The following RORB variants were observed in gnomAD, a reference collection of about 807,000 sequenced individuals.
RORB encodes the protein nuclear receptor ROR-beta.
Under a neutral mutation model 59.1 loss-of-function variants are expected in RORB, and 6 were observed. The ratio of observed to expected loss-of-function variants is 0.10; its 90% confidence interval spans 0.06 to 0.20. RORB has a LOEUF of 0.20. Among genes scored for constraint, RORB ranks in the 10% least tolerant of loss-of-function variants. The pLI, the probability that RORB is intolerant of heterozygous loss-of-function variation, is 1.00. For missense variants in RORB, 320 were observed against 560.5 expected, an observed-to-expected ratio of 0.57 and a Z score of 4.33; for synonymous variants, 215 against 204.5, an observed-to-expected ratio of 1.05 and a Z score of -0.44.
chr9:74,630,093 A>G (rs1267594580), intron 1 of RORB, 189 bp from the exon 2 acceptor site: 2 of 281,246 alleles, frequency 7.1e-6, no homozygotes, highest in African/African-American at 4.6e-5. Context: ...TGGCAGAGAA[A>G]TGTACTTTGA....
rs1007180833 is a variant in RORB, at chr9:74,615,073, A to G, written c.8-15209A>G. ...GCTCCTCTGCTGTATTAACTACTTCATAGACAACTGTAATCCAATATTTGA... is the reference window on the plus strand; with the variant it reads ...GCTCCTCTGCTGTATTAACTACTTCGTAGACAACTGTAATCCAATATTTGA... On this transcript the variant is annotated intron_variant, in intron 1 of 9. Transcript: ENST00000376896. Among the ~76,000 whole-genome samples the G allele has an allele frequency of 1.5e-4, 23 of 152,304 alleles. No homozygotes were observed. In the East Asian group the frequency reaches 3.9e-3, roughly 26 times the overall value.
chr9:74,528,310 G>A (rs905753622), intron 1 of RORB, among the ~76,000 whole-genome samples: 10 of 152,068 alleles, frequency 6.6e-5, no homozygotes, highest in Middle Eastern at 3.4e-3. Flanking sequence ...CTCTCCTAGC[G>A]CAGCTGCTCC....
intron 4 of RORB, among the ~76,000 whole-genome samples, chr9:74,657,568 C>T (rs887669699): frequency 6.6e-6 from 1 of 152,192 alleles, no homozygotes; most frequent in Admixed American, 6.6e-5. Context: ...GCTCATCCTT[C>T]AAGACCCAGG....
intron 1 of RORB, among the ~76,000 whole-genome samples, chr9:74,523,354 C>T (rs1826110005): frequency 6.6e-6 from 1 of 151,776 alleles, no homozygotes; most frequent in Non-Finnish European, 1.5e-5. Flanking sequence ...GCATCTTCCT[C>T]TTCCTCTCTT....
At chr9:74,601,015 A>G (rs966875004) in intron 1 of RORB, among the ~76,000 whole-genome samples, 2 of 152,116 alleles carry the variant, frequency 1.3e-5, no homozygotes, top group African/African-American at 4.8e-5. Flanking sequence ...GCCATTGTTC[A>G]CCTATTACAT....
rs1311705306 is a variant in RORB, at chr9:74,546,427, A to C, written c.7+48444A>C. ...AAAGAGGAAGAGGTGCTAACAAAGAATGCAGCAAAAAAAAAAGAGAAAAGC... is the reference window on the plus strand; with the variant it reads ...AAAGAGGAAGAGGTGCTAACAAAGACTGCAGCAAAAAAAAAAGAGAAAAGC... On this transcript the variant is annotated intron_variant, in intron 1 of 9. Transcript: ENST00000376896. Among the ~76,000 whole-genome samples, 3 of 152,140 alleles carry C rather than the reference A, an allele frequency of 2.0e-5. No individual in the cohort carries two copies. The East Asian group carries it at 5.8e-4, about 29-fold the overall frequency.
intron 1 of RORB, among the ~76,000 whole-genome samples, chr9:74,539,592 C>T (rs757456815): frequency 6.6e-6 from 1 of 152,044 alleles, no homozygotes; most frequent in African/African-American, 2.4e-5. Context: ...ACGTTCTTGC[C>T]CTCATAGAGC....
At chr9:74,648,143 T>C (rs1012516384) in intron 4 of RORB, among the ~76,000 whole-genome samples, 3 of 152,176 alleles carry the variant, frequency 2.0e-5, no homozygotes, top group African/African-American at 7.2e-5. Context: ...AAAAATTACT[T>C]GAACAATATG....
At chr9:74,662,853 A>G (rs1330500627) in intron 6 of RORB, among the ~76,000 whole-genome samples, 1 of 152,130 alleles carries the variant, frequency 6.6e-6, no homozygotes, top group Middle Eastern at 3.2e-3. Context: ...TGAAATACCC[A>G]GCTTGACAGG....
chr9:74,508,856 A>G (rs1201987245), intron 1 of RORB, among the ~76,000 whole-genome samples: 1 of 151,970 alleles, frequency 6.6e-6, no homozygotes. Flanking sequence ...TTGACTGGAA[A>G]CAAGGGTTCC....
intron 1 of RORB, among the ~76,000 whole-genome samples, chr9:74,532,841 C>CATATATGTGTGT: frequency 7.4e-6 from 1 of 134,234 alleles, no homozygotes; most frequent in African/African-American, 2.7e-5. Flanking sequence ...TATATATACA[C>CATATATGTGTGT]ATATATATAC....
intron 3 of RORB, 57 bp downstream of exon 3, chr9:74,634,829 G>C (rs1037499306): frequency 6.6e-7 from 1 of 1,517,602 alleles, no homozygotes; most frequent in Non-Finnish European, 8.9e-7. Flanking sequence ...TGCTTTGCTG[G>C]AGTCTATTTA....
intron 1 of RORB, among the ~76,000 whole-genome samples, chr9:74,608,969 C>T (rs4744721): frequency 0.77 from 116,968 of 152,128 alleles, 45,621 homozygotes; most frequent in East Asian, 0.93. Context: ...GCTGTCATGA[C>T]TGAAGAAATA....
intron 1 of RORB, among the ~76,000 whole-genome samples, chr9:74,543,456 C>T (rs2118140142): frequency 6.6e-6 from 1 of 152,278 alleles, no homozygotes; most frequent in East Asian, 1.9e-4. Flanking sequence ...TTTATTATTT[C>T]ATTCAACAAA....
intron 1 of RORB, among the ~76,000 whole-genome samples, chr9:74,561,025 T>C (rs1015773592): frequency 1.3e-5 from 2 of 152,256 alleles, no homozygotes; most frequent in South Asian, 4.1e-4. Context: ...CTGAGTCAAA[T>C]GAAAGATGAT....
At chr9:74,646,362 C>T (rs1051027406) in intron 4 of RORB, among the ~76,000 whole-genome samples, 3 of 152,070 alleles carry the variant, frequency 2.0e-5, no homozygotes, top group African/African-American at 7.2e-5. Flanking sequence ...CATAACACAA[C>T]TATATGAGCA....
At chr9:74,589,126 C>T (rs373058441) in intron 1 of RORB, among the ~76,000 whole-genome samples, 26 of 152,124 alleles carry the variant, frequency 1.7e-4, no homozygotes, top group African/African-American at 5.6e-4. Context: ...AAATAATTGT[C>T]CATGTTTTAG....
At chr9:74,639,523 A>C (rs933630972) in intron 3 of RORB, among the ~76,000 whole-genome samples, 2 of 152,196 alleles carry the variant, frequency 1.3e-5, no homozygotes, top group Admixed American at 6.5e-5. Flanking sequence ...TAAAAAAAAA[A>C]AACACAAATT....
chr9:74,565,209 C>A (rs548266255), intron 1 of RORB, among the ~76,000 whole-genome samples: 2 of 152,204 alleles, frequency 1.3e-5, no homozygotes, highest in African/African-American at 2.4e-5. Context: ...AACACCCAAT[C>A]TTTGCAAAGA....
Sources: allele counts gnomAD v4.1 joint callset (sites outside exome capture counted in the v4.1 genomes callset), GRCh38; gene constraint gnomAD v4.1.1; transcripts MANE v1.5; gene names NCBI Gene and HGNC (gene_info 2026-07-23, HGNC 2026-07-21).